The following WBP2NL variants were observed in gnomAD, a reference collection of about 807,000 sequenced individuals.
WBP2NL encodes the protein WBP2 N-terminal like.
A neutral mutation model predicts 23.3 loss-of-function variants in WBP2NL; 27 were observed. The ratio of observed to expected loss-of-function variants is 1.16; its 90% confidence interval spans 0.85 to 1.60. WBP2NL has a LOEUF of 1.60. Ranked by LOEUF, WBP2NL falls within the 40% of genes most tolerant of loss-of-function variation. WBP2NL has a pLI of 0.00. For synonymous variants in WBP2NL, 151 were observed against 145.9 expected (o/e 1.03, Z -0.25); for missense variants, 370 against 389.5 (o/e 0.95, Z 0.42).
At chr22:42,003,251 C>A (rs1482328252) in intron 1 of WBP2NL, 3 of 151,936 alleles carry the variant, frequency 2.0e-5, no homozygotes, top group Non-Finnish European at 4.4e-5. Flanking sequence ...AGATGTTACT[C>A]TTATACTGTA....
At chr22:42,014,144 C>G (rs1452163302) in intron 1 of WBP2NL, among the ~76,000 whole-genome samples, 1 of 151,898 alleles carries the variant, frequency 6.6e-6, no homozygotes. Flanking sequence ...TGGTTTCAAA[C>G]TCCTGAGCTC....
chr22:42,039,147 C>G (rs542982198), intron 8 of WBP2NL, among the ~76,000 whole-genome samples: 1 of 151,810 alleles, frequency 6.6e-6, no homozygotes, highest in East Asian at 1.9e-4. Context: ...TGTCGGCTCA[C>G]TGCAATTTCC....
chr22:42,026,664 C>A lies in WBP2NL; in HGVS notation c.515-102C>A. The A allele has an allele frequency of 2.6e-6, 4 of 1,513,792 alleles. No individual in the cohort carries two copies. The South Asian group carries it at 3.9e-5, about 15-fold the overall frequency. 93.8% of individuals were successfully genotyped at this position (1,513,792 alleles called of 1,614,324 possible). On this transcript the variant is annotated intron_variant, in intron 5 of 5. Coordinates refer to ENST00000328823, the MANE Select transcript of WBP2NL (RefSeq NM_152613.3). ...AGCATTATTCTGCCTGACTTCTCTT[C>A]TTGCGTCAGTTTGCTTCAGCATTAT... is the stretch of plus-strand genomic sequence containing the variant.
rs1179367435 is a variant in WBP2NL at position 42,057,112 on chromosome 22, T to G, written c.*274-1178T>G. Among the ~76,000 whole-genome samples the G allele has an allele frequency of 2.6e-5, 4 of 152,340 alleles. No homozygotes were observed. In the East Asian group the frequency reaches 7.7e-4, roughly 29 times the overall value. ...ATTTTCCATCAAATGTGAGACATTT[T>G]CAACCATTCTTTCTTCCAATATTCT... is the stretch of plus-strand genomic sequence containing the variant. On this transcript the variant is annotated intron_variant and NMD_transcript_variant, in intron 8 of 8. Coordinates refer to the WBP2NL transcript ENST00000436265.
At chr22:42,052,569 TG>T in intron 8 of WBP2NL, among the ~76,000 whole-genome samples, 1 of 152,210 alleles carries the variant, frequency 6.6e-6, no homozygotes. Flanking sequence ...CATGAGCCAC[TG>T]TGCCAGGCCT....
chr22:42,022,343 G>C lies in WBP2NL; in HGVS notation c.501G>C (p.Gln167His). The change falls in exon 5 of 6, where the codon CAG becomes CAC. Residue 167 changes from glutamine (Q) to histidine (H), a missense_variant. By Grantham distance (24) the Gln-to-His change is conservative (BLOSUM62 0). Coordinates refer to ENST00000328823, the MANE Select transcript of WBP2NL (RefSeq NM_152613.3). Reference protein sequence around the residue: ...ITGEGNMCTPQMPCSVIVYGA... With the variant: ...ITGEGNMCTPHMPCSVIVYGA... ...GGGAAGGGAATATGTGCACTCCACA[G>C]ATGCCTTGTTCAGGTAAGGTATGGC... 1 of 1,612,926 alleles carries C rather than the reference G, an allele frequency of 6.2e-7. No homozygotes were observed. Among genetic ancestry groups the C allele is most frequent in the Non-Finnish European group, 8.5e-7 (1 of 1,179,490 alleles).
chr22:42,046,119 A>G (rs1569454543), intron 8 of WBP2NL, among the ~76,000 whole-genome samples: 1 of 152,268 alleles, frequency 6.6e-6, no homozygotes, highest in African/African-American at 2.4e-5. Context: ...TGGTACATCC[A>G]TAATCAACCA....
At chr22:42,049,033 A>G (rs1185778903) in intron 8 of WBP2NL, among the ~76,000 whole-genome samples, 1 of 152,218 alleles carries the variant, frequency 6.6e-6, no homozygotes, top group Non-Finnish European at 1.5e-5. Context: ...AGAATGAAGG[A>G]ACAACCTACT....
rs536927602 is a variant in WBP2NL at position 42,019,191 on chromosome 22, C to T, written c.63-120C>T. 2.4e-4 allele frequency: 204 copies of T among 842,898 alleles called. No homozygotes were observed. In the Middle Eastern group the frequency reaches 2.5e-3, roughly 10 times the overall value. 52.2% of individuals were successfully genotyped at this position (842,898 alleles called of 1,614,324 possible). ...AGGTGAAATCGTGCCACTGCACTCCCGCCTGGGCAACAGAGTAAGACTCTG... is the reference window on the plus strand; with the variant it reads ...AGGTGAAATCGTGCCACTGCACTCCTGCCTGGGCAACAGAGTAAGACTCTG... On this transcript the variant is annotated intron_variant, in intron 1 of 5. Transcript: ENST00000328823.
chr22:42,030,401 G>C (rs191455876), downstream of WBP2NL: 69 of 152,334 alleles, frequency 4.5e-4, 1 homozygote, highest in African/African-American at 1.6e-3. Context: ...ACAGAAAGCA[G>C]GGTGGGACAT....
In WBP2NL at chr22:42,001,757, C is replaced by T. The variant is rs1465628972; in HGVS notation, c.62+2877C>T. On this transcript the variant is annotated intron_variant, in intron 1 of 5. Coordinates refer to ENST00000328823, the MANE Select transcript of WBP2NL (RefSeq NM_152613.3). ...TGATGACACTGGCCAGGTTACCGCA[C>T]CAGGACAGGACTCCGTGCTCCTTGG... 5 of 1,215,762 alleles carry T rather than the reference C, an allele frequency of 4.1e-6. No individual in the cohort carries two copies. The Admixed American group carries it at 6.9e-5, about 17-fold the overall frequency. The allele number at this position is 1,215,762 out of a possible 1,614,324, so 75.3% of individuals were successfully genotyped here.
Position 42,026,273 on chromosome 22 carries a change from A to AAATAAT in WBP2NL, c.515-452_515-447dup, listed in dbSNP as rs3045492. Reference sequence around the variant, plus strand: ...GGCAACAGAGCGAGACCCCCTCTCAAAATAATAATAATAATAATAATAATA... The same window carrying AAATAAT: ...GGCAACAGAGCGAGACCCCCTCTCAAAATAATAATAATAATAATAATAATAATAATA... On this transcript the variant is annotated intron_variant, in intron 5 of 5. Coordinates refer to ENST00000328823, the MANE Select transcript of WBP2NL (RefSeq NM_152613.3). Among the ~76,000 whole-genome samples, 862 of 140,298 alleles carry AAATAAT rather than the reference A, an allele frequency of 6.1e-3. 8 individuals carry two copies. The highest frequency in any genetic ancestry group is 6.2e-3 in the Non-Finnish European group (407 of 65,422). The allele number at this position is 140,298 out of a possible 152,430, so 92.0% of individuals were successfully genotyped here.
intron 8 of WBP2NL, among the ~76,000 whole-genome samples, chr22:42,054,012 G>T (rs1002564731): frequency 6.6e-6 from 1 of 151,956 alleles, no homozygotes; most frequent in African/African-American, 2.4e-5. Context: ...TCAGGCTCTT[G>T]AACTCCTGGC....
intron 1 of WBP2NL, among the ~76,000 whole-genome samples, chr22:42,013,773 C>G (rs1923052876): frequency 6.6e-6 from 1 of 151,726 alleles, no homozygotes; most frequent in Non-Finnish European, 1.5e-5. Flanking sequence ...CCACACCTGA[C>G]TAAATTTTTA....
intron 1 of WBP2NL, among the ~76,000 whole-genome samples, chr22:42,006,459 G>A (rs1030723783): frequency 1.3e-5 from 2 of 152,030 alleles, no homozygotes; most frequent in African/African-American, 2.4e-5. Context: ...GGTCTCGATC[G>A]CCTGACCTCG....
rs1569450048 is a variant in WBP2NL at position 42,020,894 on chromosome 22, ATATATATATATATATTTTTTTTTTTTTTT to A, written c.406+800_406+828del. Among the ~76,000 whole-genome samples, 26 of 40,268 alleles carry A rather than the reference ATATATATATATATATTTTTTTTTTTTTTT, an allele frequency of 6.5e-4. 1 individual carries two copies. Among genetic ancestry groups the A allele is most frequent in the African/African-American group, 3.3e-3 (26 of 7,862 alleles). The allele number at this position is 40,268 out of a possible 152,430, so 26.4% of individuals were successfully genotyped here. A position where few individuals can be genotyped will look rare whatever the true frequency, so the allele number is the denominator to read the frequency against. ...TATATATATATATATATATATATAT[ATATATATATATATATTTTTTTTTTTTTTT>A]TTTTTTTTTTTTTTGAGACAGTGTC... is the stretch of plus-strand genomic sequence containing the variant. On this transcript the variant is annotated intron_variant, in intron 4 of 5. Transcript: ENST00000328823.
intron 8 of WBP2NL, among the ~76,000 whole-genome samples, chr22:42,056,098 C>T (rs1926017768): frequency 6.6e-6 from 1 of 152,074 alleles, no homozygotes; most frequent in African/African-American, 2.4e-5. Context: ...CTCTTTTGTT[C>T]CACATTTCTT....
intron 1 of WBP2NL, among the ~76,000 whole-genome samples, chr22:42,008,670 C>T (rs902039954): frequency 1.3e-5 from 2 of 152,038 alleles, no homozygotes; most frequent in Non-Finnish European, 2.9e-5. Context: ...TGCAATGGTG[C>T]GATCTCAGCT....
At chr22:42,041,550 G>GT (rs1439610959) in intron 8 of WBP2NL, among the ~76,000 whole-genome samples, 1 of 148,888 alleles carries the variant, frequency 6.7e-6, no homozygotes, top group East Asian at 1.9e-4. Context: ...CTCTCTTTTG[G>GT]TTACCATTTG....
Sources: gnomAD v4.1 joint callset for allele counts (sites outside exome capture counted in the v4.1 genomes callset) on GRCh38, gnomAD v4.1.1 for gene constraint, MANE v1.5 for transcripts, NCBI Gene and HGNC (gene_info 2026-07-23, HGNC 2026-07-21) for gene names.